ARHGAP21: variants seen among roughly 807,000 people sequenced by gnomAD.
ARHGAP21 encodes the protein Rho GTPase activating protein 21, also known as rho GTPase-activating protein 21.
Under a neutral mutation model 164.6 loss-of-function variants are expected in ARHGAP21, and 38 were observed. That is an observed-to-expected ratio of 0.23 (90% CI 0.18 to 0.30). The LOEUF (loss-of-function observed/expected upper bound fraction) is 0.30, where lower values mean the gene tolerates loss of function less well. Among genes scored for constraint, ARHGAP21 ranks in the 10% least tolerant of loss-of-function variants. The pLI, the probability that ARHGAP21 is intolerant of heterozygous loss-of-function variation, is 1.00. For synonymous variants in ARHGAP21, 766 were observed against 857.9 expected (o/e 0.89, Z 1.87); for missense variants, 1,822 against 2,370.7 (o/e 0.77, Z 4.81).
chr10:24,585,123 C>A lies in ARHGAP21; in HGVS notation c.5166G>T (p.Lys1722Asn). ...KSDSGSLGDA[K>N]NEKEAPSLTK... ...TTAACGAAGGTGCTTCTTTCTCATT[C>A]TTGGCATCTCCTAGACTTCCACTAT... The change falls in exon 26 of 26, where the codon AAG becomes AAT. Residue 1722 changes from lysine to asparagine, a missense_variant. By Grantham distance (94) the Lys-to-Asn change is moderately conservative (BLOSUM62 0). This residue lies in a region of ARHGAP21 where 117 missense variants were observed against 193.2 expected (regional missense o/e 0.61). Coordinates refer to ENST00000396432, the MANE Select transcript of ARHGAP21 (RefSeq NM_020824.4). 6.2e-7 allele frequency: 1 copy of A among 1,613,118 alleles called. No homozygotes were observed. The highest frequency in any genetic ancestry group is 8.5e-7 in the Non-Finnish European group (1 of 1,179,748).
chr10:24,682,470 A>C (rs1841861435), intron 2 of ARHGAP21, among the ~76,000 whole-genome samples: 1 of 152,230 alleles, frequency 6.6e-6, no homozygotes, highest in African/African-American at 2.4e-5. Flanking sequence ...AATGCCACAG[A>C]GATCAATCTT....
rs75030832 is a variant in ARHGAP21, at chr10:24,653,696, C to T, written c.268+13289G>A. On this transcript the variant is annotated intron_variant, in intron 4 of 25. Transcript: ENST00000396432. Reference sequence around the variant, plus strand: ...TCAGCCTTCCCAGTAACCAGGTCTACAGGTGCAAACCACCATGCCAACTCA... The same window carrying T: ...TCAGCCTTCCCAGTAACCAGGTCTATAGGTGCAAACCACCATGCCAACTCA... 0.012 allele frequency among the ~76,000 whole-genome samples: 1,900 copies of T among 152,260 alleles called. 96 individuals carry two copies. In the East Asian group the frequency reaches 0.14, roughly 11 times the overall value.
intron 2 of ARHGAP21, among the ~76,000 whole-genome samples, chr10:24,707,570 A>C (rs147684843): frequency 5.1e-4 from 78 of 152,210 alleles, no homozygotes; most frequent in Non-Finnish European, 9.7e-4. Context: ...CCTACATACT[A>C]CATGTCCAAA....
chr10:24,723,389 G>A (rs1265309761), intron 1 of ARHGAP21, 173 bp downstream of exon 1: 5 of 145,922 alleles, frequency 3.4e-5, no homozygotes, highest in Admixed American at 2.0e-4. Context: ...ACACGCGGGC[G>A]CGGCCCCTCC....
At chr10:24,659,248 C>T (rs1407589814) in intron 4 of ARHGAP21, among the ~76,000 whole-genome samples, 1 of 152,218 alleles carries the variant, frequency 6.6e-6, no homozygotes, top group Non-Finnish European at 1.5e-5. Context: ...ATGTTCACAG[C>T]AGCACTATTG....
chr10:24,609,512 T>G (rs2077165076), intron 9 of ARHGAP21, among the ~76,000 whole-genome samples: 1 of 152,208 alleles, frequency 6.6e-6, no homozygotes, highest in Admixed American at 6.5e-5. Context: ...TGTTGCATTC[T>G]TTATAATAAA....
intron 11 of ARHGAP21, chr10:24,605,894 G>A (rs191227966): frequency 1.6e-4 from 24 of 152,110 alleles, no homozygotes; most frequent in South Asian, 1.2e-3. Flanking sequence ...ATAGAACCTC[G>A]TGTACATTAA....
chr10:24,673,744 C>A (rs1467327193), intron 2 of ARHGAP21, among the ~76,000 whole-genome samples: 1 of 152,100 alleles, frequency 6.6e-6, no homozygotes, highest in Non-Finnish European at 1.5e-5. Flanking sequence ...CACCTATAAT[C>A]CCCACTACTT....
At chr10:24,645,373 G>C (rs1175567325) in intron 4 of ARHGAP21, among the ~76,000 whole-genome samples, 2 of 152,044 alleles carry the variant, frequency 1.3e-5, no homozygotes, top group East Asian at 3.9e-4. Flanking sequence ...CTGCAGTCAG[G>C]AGATTGAGAC....
At chr10:24,622,321 A>G (rs1300171785) in intron 8 of ARHGAP21, among the ~76,000 whole-genome samples, 1 of 151,524 alleles carries the variant, frequency 6.6e-6, no homozygotes, top group East Asian at 1.9e-4. Context: ...GCTTAACTCA[A>G]GACTATCATC....
At chr10:24,689,867 TATATATAC>T (rs2131995463) in intron 2 of ARHGAP21, among the ~76,000 whole-genome samples, 1 of 148,446 alleles carries the variant, frequency 6.7e-6, no homozygotes, top group African/African-American at 2.5e-5. Context: ...TATGTATGTG[TATATATAC>T]ATGTATATAT....
chr10:24,687,182 A>C (rs1593288217), intron 2 of ARHGAP21, among the ~76,000 whole-genome samples: 1 of 152,262 alleles, frequency 6.6e-6, no homozygotes, highest in East Asian at 1.9e-4. Flanking sequence ...AAAAAAAGGC[A>C]GTTTCCCAGG....
rs893484791 is a variant in ARHGAP21, at chr10:24,641,044, T to C, written c.269-5941A>G. 2.6e-5 allele frequency among the ~76,000 whole-genome samples: 4 copies of C among 152,094 alleles called. No individual in the cohort carries two copies. The East Asian group carries it at 5.8e-4, about 22-fold the overall frequency. Reference sequence around the variant, plus strand: ...AGCTGAAATGTTAAGATGACAAAGATGGGTGGCAAGCATTTAGAAGTAACA... The same window carrying C: ...AGCTGAAATGTTAAGATGACAAAGACGGGTGGCAAGCATTTAGAAGTAACA... On this transcript the variant is annotated intron_variant, in intron 4 of 25. Transcript: ENST00000396432.
chr10:24,630,162 G>A, intron 6 of ARHGAP21, 112 bp from the exon 7 acceptor site: 2 of 534,874 alleles, frequency 3.7e-6, no homozygotes, highest in Non-Finnish European at 6.3e-6. Context: ...AGTTTATTCT[G>A]GTTTTCTTAT....
At chr10:24,644,602 G>A (rs1374811119) in intron 4 of ARHGAP21, among the ~76,000 whole-genome samples, 1 of 152,034 alleles carries the variant, frequency 6.6e-6, no homozygotes, top group African/African-American at 2.4e-5. Flanking sequence ...TATCCCTTTA[G>A]TCCAAATCCT....
chr10:24,584,919 G>C lies in ARHGAP21; in HGVS notation c.5370C>G (p.Ala1790=). ...GGATGCTTTTCCTTTTAGCAGTCTC[G>C]GCATTCACTTTGTGATTCCCTACTC... ...MFGVGNHKVN[A]ETAKRKSIRR... Residue 1790 remains alanine (A), a synonymous_variant, in exon 26 of 26, where the codon GCC becomes GCG. Transcript: ENST00000396432. 6.2e-7 allele frequency: 1 copy of C among 1,613,790 alleles called. No individual in the cohort carries two copies. The highest frequency in any genetic ancestry group is 8.5e-7 in the Non-Finnish European group (1 of 1,179,834).
chr10:24,593,589 T>TTGAAAGATATTCCATAAAATA (rs2076434884), intron 21 of ARHGAP21, among the ~76,000 whole-genome samples: 1 of 58,122 alleles, frequency 1.7e-5, no homozygotes. Flanking sequence ...TGTATTTTTC[T>TTGAAAGATATTCCATAAAATA]TGAAAGATAT....
rs1215315973 is a variant in ARHGAP21, at chr10:24,584,211, T to C, written c.*201A>G. On this transcript the variant is annotated 3_prime_UTR_variant, in exon 26 of 26. Coordinates refer to ENST00000396432, the MANE Select transcript of ARHGAP21 (RefSeq NM_020824.4). Reference sequence around the variant, plus strand: ...TGCTCATTTGTATACAACTATCCGATATATTTTTAAATATATATATATATA... The same window carrying C: ...TGCTCATTTGTATACAACTATCCGACATATTTTTAAATATATATATATATA... 9.4e-6 allele frequency: 2 copies of C among 212,172 alleles called. No homozygotes were observed. The highest frequency in any genetic ancestry group is 8.9e-5 in the African/African-American group (2 of 22,460). The allele number at this position is 212,172 out of a possible 1,614,324, so 13.1% of individuals were successfully genotyped here. A position where few individuals can be genotyped will look rare whatever the true frequency, so the allele number is the denominator to read the frequency against.
At chr10:24,632,749 C>G (rs796426878) in intron 6 of ARHGAP21, among the ~76,000 whole-genome samples, 5 of 152,308 alleles carry the variant, frequency 3.3e-5, no homozygotes, top group South Asian at 2.1e-4. Flanking sequence ...CGACTAGGCT[C>G]AGATCCATGG....
Sources: allele counts gnomAD v4.1 joint callset (sites outside exome capture counted in the v4.1 genomes callset), GRCh38; gene constraint gnomAD v4.1.1; regional missense constraint gnomAD v4.1.1; transcripts MANE v1.5; gene names NCBI Gene and HGNC (gene_info 2026-07-23, HGNC 2026-07-21).